EYS: variants seen among roughly 807,000 people sequenced by gnomAD.
EYS encodes the protein EGF-like photoreceptor maintenance factor.
EYS carries 250 observed loss-of-function variants against 282.1 expected under a neutral mutation model. That is an observed-to-expected ratio of 0.89 (90% confidence interval 0.80 to 0.98). The LOEUF (loss-of-function observed/expected upper bound fraction) is 0.98, where lower values mean the gene tolerates loss of function less well. Ranked by LOEUF, EYS falls within the 50% of genes least tolerant of loss-of-function variation. The probability of loss-of-function intolerance (pLI) is 0.00; values close to 1 mark genes in which losing one functional copy is unlikely to be tolerated. For missense variants in EYS, 4,016 were observed against 3,709.0 expected, an observed-to-expected ratio of 1.08 and a Z score of -2.15; for synonymous variants, 1,355 against 1,282.9, an observed-to-expected ratio of 1.06 and a Z score of -1.20.
intron 35 of EYS, among the ~76,000 whole-genome samples, chr6:63,951,955 G>A (rs565798348): frequency 1.9e-4 from 29 of 152,134 alleles, no homozygotes; most frequent in East Asian, 1.2e-3. Flanking sequence ...ATCTGCTCCC[G>A]ACATTAAATA....
intron 11 of EYS, among the ~76,000 whole-genome samples, chr6:65,320,180 A>G (rs1419436749): frequency 2.6e-5 from 4 of 152,014 alleles, no homozygotes; most frequent in Admixed American, 2.0e-4. Flanking sequence ...CACAAAATGG[A>G]TGGGGACTAC....
intron 12 of EYS, among the ~76,000 whole-genome samples, chr6:65,239,972 AT>A (rs5876954): frequency 0.34 from 49,516 of 143,924 alleles, 9,290 homozygotes; most frequent in African/African-American, 0.54. Context: ...ATATATTTTG[AT>A]TTTTTTTTTT....
chr6:64,295,702 C>G (rs1175675180), intron 30 of EYS, among the ~76,000 whole-genome samples: 1 of 133,918 alleles, frequency 7.5e-6, no homozygotes, highest in Non-Finnish European at 1.6e-5. Context: ...GCACTCCAGC[C>G]TGGCTGACTG....
At chr6:65,350,100 T>C (rs2150324575) in intron 9 of EYS, among the ~76,000 whole-genome samples, 1 of 151,542 alleles carries the variant, frequency 6.6e-6, no homozygotes, top group South Asian at 2.1e-4. Context: ...ATAAGTGATA[T>C]GAATGAAAAA....
chr6:65,277,484 T>C (rs2150271582), intron 12 of EYS, among the ~76,000 whole-genome samples: 1 of 151,760 alleles, frequency 6.6e-6, no homozygotes, highest in African/African-American at 2.4e-5. Flanking sequence ...AAACTTTTTT[T>C]CCTCTTCTGC....
chr6:65,577,329 G>T (rs555750591), intron 2 of EYS, among the ~76,000 whole-genome samples: 1 of 151,904 alleles, frequency 6.6e-6, no homozygotes, highest in Admixed American at 6.6e-5. Context: ...AACACAGAAT[G>T]AGGAAATGAC....
At chr6:64,361,303 C>A (rs1286628956) in intron 29 of EYS, among the ~76,000 whole-genome samples, 3 of 151,548 alleles carry the variant, frequency 2.0e-5, no homozygotes, top group Non-Finnish European at 4.4e-5. Context: ...CAGCAAACTG[C>A]TGTCCGGAAA....
At chr6:64,897,261 G>C (rs1432877623) in intron 18 of EYS, among the ~76,000 whole-genome samples, 2 of 152,094 alleles carry the variant, frequency 1.3e-5, no homozygotes, top group Admixed American at 1.3e-4. Context: ...GAAGGAGCAG[G>C]CAACAATATT....
At chr6:65,057,562 G>C in intron 13 of EYS, 52 bp downstream of exon 13, 1 of 1,071,654 alleles carries the variant, frequency 9.3e-7, no homozygotes, top group Non-Finnish European at 1.4e-6. Context: ...AGACAGAAGT[G>C]CTTTTTAAAG....
intron 2 of EYS, among the ~76,000 whole-genome samples, chr6:65,636,230 A>G (rs1275972696): frequency 1.3e-5 from 2 of 152,200 alleles, no homozygotes; most frequent in South Asian, 2.1e-4. Context: ...TCTTTCTTAA[A>G]CAGAAGCGAA....
rs77600572 is a variant in EYS at position 65,013,574 on chromosome 6, C to T, written c.2138-15871G>A. ...TAGTGTACATACCCCATGTAATTCCCTCACTTTAAATGTGGGTGAGGCTGG... is the reference window on the plus strand; with the variant it reads ...TAGTGTACATACCCCATGTAATTCCTTCACTTTAAATGTGGGTGAGGCTGG... On this transcript the variant is annotated intron_variant, in intron 13 of 42. Coordinates refer to ENST00000503581, the MANE Select transcript of EYS (RefSeq NM_001142800.2). Among the ~76,000 whole-genome samples the T allele has an allele frequency of 1.9e-3, 282 of 152,292 alleles. 2 individuals are homozygous for T. Among genetic ancestry groups the T allele is most frequent in the African/African-American group, 6.7e-3 (278 of 41,560 alleles).
chr6:63,876,466 G>A (rs911748077), intron 35 of EYS, among the ~76,000 whole-genome samples: 1 of 152,190 alleles, frequency 6.6e-6, no homozygotes, highest in Non-Finnish European at 1.5e-5. Context: ...GGGGTTGAGA[G>A]TTCTGTAAAT....
intron 12 of EYS, among the ~76,000 whole-genome samples, chr6:65,099,694 T>C (rs529489346): frequency 2.7e-5 from 4 of 150,840 alleles, no homozygotes; most frequent in Admixed American, 1.3e-4. Flanking sequence ...TTGAAATATG[T>C]TTAAGTATGT....
chr6:65,213,909 C>T (rs1766241854), intron 12 of EYS, among the ~76,000 whole-genome samples: 1 of 151,882 alleles, frequency 6.6e-6, no homozygotes, highest in Non-Finnish European at 1.5e-5. Context: ...GCCTGTAACC[C>T]CAGCACTTTG....
intron 31 of EYS, among the ~76,000 whole-genome samples, chr6:64,166,148 C>T (rs1412013890): frequency 2.0e-5 from 3 of 152,170 alleles, no homozygotes; most frequent in Non-Finnish European, 4.4e-5. Flanking sequence ...CCTTTAAATA[C>T]TCAAGTTGCT....
chr6:65,095,873 T>G (rs1774723797), intron 12 of EYS, among the ~76,000 whole-genome samples: 1 of 150,654 alleles, frequency 6.6e-6, no homozygotes, highest in Non-Finnish European at 1.5e-5. Context: ...AAACTTTTCC[T>G]CTATGATCAG....
At chr6:63,840,497 CTGT>C (rs1475836222) in intron 36 of EYS, among the ~76,000 whole-genome samples, 1 of 152,010 alleles carries the variant, frequency 6.6e-6, no homozygotes, top group Non-Finnish European at 1.5e-5. Context: ...TCATTTCACT[CTGT>C]TGATTTTTTT....
At chr6:65,272,899 G>A (rs918697184) in intron 12 of EYS, among the ~76,000 whole-genome samples, 4 of 152,106 alleles carry the variant, frequency 2.6e-5, no homozygotes, top group Admixed American at 6.6e-5. Context: ...TAGGATGATA[G>A]GGCCTACCAT....
At chr6:64,859,848 C>A (rs1394492148) in intron 19 of EYS, among the ~76,000 whole-genome samples, 2 of 152,160 alleles carry the variant, frequency 1.3e-5, no homozygotes, top group African/African-American at 4.8e-5. Flanking sequence ...TGAAAATGTT[C>A]ATGTGACTCA....
Sources: gnomAD v4.1 joint callset for allele counts (sites outside exome capture counted in the v4.1 genomes callset) on GRCh38, gnomAD v4.1.1 for gene constraint, MANE v1.5 for transcripts, NCBI Gene and HGNC (gene_info 2026-07-23, HGNC 2026-07-21) for gene names.